Variants in SEMA7A observed in about 807,000 individuals in gnomAD.
SEMA7A encodes the protein semaphorin-7A.
SEMA7A carries 21 observed loss-of-function variants against 67.5 expected under a neutral mutation model. The ratio of observed to expected loss-of-function variants is 0.31; its 90% CI spans 0.22 to 0.45. The LOEUF is 0.45. SEMA7A is among the 20% of genes least tolerant of loss of function. The probability of loss-of-function intolerance (pLI) is 1.00; values close to 1 mark genes in which losing one functional copy is unlikely to be tolerated. For synonymous variants in SEMA7A, 364 were observed against 368.5 expected (o/e 0.99, Z 0.14); for missense variants, 774 against 908.6 (o/e 0.85, Z 1.90).
At chr15:74,413,719 T>C (rs1235441393) in intron 10 of SEMA7A, among the ~76,000 whole-genome samples, 2 of 152,138 alleles carry the variant, frequency 1.3e-5, no homozygotes, top group Non-Finnish European at 2.9e-5. Flanking sequence ...AGCCAAACAA[T>C]GGTGCTGGGG....
chr15:74,410,715 G>C lies in SEMA7A; in HGVS notation c.1910C>G (p.Ala637Gly). 6.2e-7 allele frequency: 1 copy of C among 1,613,722 alleles called. No homozygotes were observed. Residue 637 changes from alanine (A) to glycine (G), a missense_variant, in exon 14 of 14, where the codon GCC (alanine) becomes GGC (glycine). By Grantham distance (60) the Ala-to-Gly change is moderately conservative (BLOSUM62 0). Transcript: ENST00000261918. The surrounding 1 kb of genome is among the most constrained non-coding windows in gnomAD (Gnocchi z 7.5). ...ACAGGCATGACCCAGCAGGTGCTCGGCCATGATGCCGTCCTCGGGCAGCAG... is the reference window on the plus strand; with the variant it reads ...ACAGGCATGACCCAGCAGGTGCTCGCCCATGATGCCGTCCTCGGGCAGCAG... ...WQLLPEDGIMAEHLLGHACAL... is the reference protein window; with the variant it reads ...WQLLPEDGIMGEHLLGHACAL...
chr15:74,417,264 A>G, intron 6 of SEMA7A, 71 bp downstream of exon 6: 1 of 1,216,944 alleles, frequency 8.2e-7, no homozygotes, highest in Non-Finnish European at 1.2e-6. Flanking sequence ...CAGAAACATC[A>G]GGATCCCATC....
chr15:74,413,565 C>G (rs1350056660), intron 10 of SEMA7A, among the ~76,000 whole-genome samples: 1 of 152,186 alleles, frequency 6.6e-6, no homozygotes, highest in Non-Finnish European at 1.5e-5. Context: ...CCCTGGCTGA[C>G]CACAACAGCT....
Position 74,411,583 on chromosome 15 carries a change from C to A in SEMA7A, c.1550G>T (p.Arg517Leu), listed in dbSNP as rs200894892. The A allele has an allele frequency of 1.1e-5, 17 of 1,581,244 alleles. No individual in the cohort carries two copies. The Admixed American group carries it at 1.8e-4, about 17-fold the overall frequency. ...TTCGGAGCTGTAGATGGAGATGCAG[C>A]GGCCTTGGTCCCAGCCGCAGTAGGG... ...RDPYCGWDQG[R>L]CISIYSSERS... is the part of the protein sequence containing the mutation. The change falls in exon 12 of 14, where the codon CGC becomes CTC. Residue 517 changes from arginine to leucine, a missense_variant. By Grantham distance (102) the Arg-to-Leu change is moderately radical (BLOSUM62 -2). This residue lies in a region of SEMA7A where 427 missense variants were observed against 555.4 expected (regional missense o/e 0.77). Coordinates refer to ENST00000261918, the MANE Select transcript of SEMA7A (RefSeq NM_003612.5). This position sits in a 1 kb window ranked among gnomAD's most constrained non-coding sequence, Gnocchi z 4.4.
At position 74,410,368 on chromosome 15, in the gene SEMA7A, G is replaced by T. The variant is rs1172204587; in HGVS notation, c.*256C>A. ...GGAGTCTGAAAAATATTTTCCAGAA[G>T]ATAAAGTCTTGGGTCATCGATGCCC... On this transcript the variant is annotated 3_prime_UTR_variant, in exon 14 of 14. Coordinates refer to ENST00000261918, the MANE Select transcript of SEMA7A (RefSeq NM_003612.5). This position sits in a 1 kb window ranked among gnomAD's most constrained non-coding sequence, Gnocchi z 7.5. 1.7e-5 allele frequency: 8 copies of T among 475,638 alleles called. No individual in the cohort carries two copies. Among genetic ancestry groups the T allele is most frequent in the African/African-American group, 2.0e-5 (1 of 50,332 alleles). 29.5% of individuals were successfully genotyped at this position (475,638 alleles called of 1,614,324 possible).
chr15:74,415,749 T>G, intron 8 of SEMA7A, 52 bp downstream of exon 8: 1 of 1,537,226 alleles, frequency 6.5e-7, no homozygotes, highest in Non-Finnish European at 8.8e-7. Context: ...CTCCTGTCCC[T>G]ACTGGACACT....
In SEMA7A at chr15:74,411,047, T is replaced by C; in HGVS notation, c.1640-62A>G. 6.4e-7 allele frequency: 1 copy of C among 1,555,060 alleles called. No homozygotes were observed. Among genetic ancestry groups the C allele is most frequent in the Non-Finnish European group, 8.7e-7 (1 of 1,151,734 alleles). On this transcript the variant is annotated intron_variant, in intron 13 of 13. Transcript: ENST00000261918. This position sits in a 1 kb window ranked among gnomAD's most constrained non-coding sequence, Gnocchi z 4.4. Reference sequence around the variant, plus strand: ...CAAAGAGCTCCCAGGGGAGGATGTGTCCTCCCCACGGACTGGGATCCCAGG... The same window carrying C: ...CAAAGAGCTCCCAGGGGAGGATGTGCCCTCCCCACGGACTGGGATCCCAGG...
chr15:74,427,273 C>A (rs1403711274), intron 1 of SEMA7A: 3 of 985,444 alleles, frequency 3.0e-6, no homozygotes, highest in East Asian at 1.1e-4. Flanking sequence ...TGCTCCAAGT[C>A]TTCCATTCCC....
At chr15:74,415,213 G>A (rs1417459277) in intron 8 of SEMA7A, among the ~76,000 whole-genome samples, 1 of 152,166 alleles carries the variant, frequency 6.6e-6, no homozygotes, top group Non-Finnish European at 1.5e-5. Flanking sequence ...ATCATAGGCT[G>A]AGCAGTTCTC....
Position 74,417,247 on chromosome 15 carries a change from G to A in SEMA7A, c.661+88C>T, listed in dbSNP as rs962143691. 8.1e-5 allele frequency: 85 copies of A among 1,050,656 alleles called. 1 individual carries two copies. The highest frequency in any genetic ancestry group is 2.0e-4 in the Middle Eastern group (1 of 4,920). The allele number at this position is 1,050,656 out of a possible 1,614,324, so 65.1% of individuals were successfully genotyped here. A position where few individuals can be genotyped will look rare whatever the true frequency, so the allele number is the denominator to read the frequency against. Reference sequence around the variant, plus strand: ...GCATGGCCCCAGCGGCCCTCAGGGAGCCCTCCCAGAAACATCAGGATCCCA... The same window carrying A: ...GCATGGCCCCAGCGGCCCTCAGGGAACCCTCCCAGAAACATCAGGATCCCA... On this transcript the variant is annotated intron_variant, in intron 6 of 13. Transcript: ENST00000261918.
intron 1 of SEMA7A, among the ~76,000 whole-genome samples, chr15:74,430,559 G>A (rs771351356): frequency 7.2e-5 from 11 of 152,186 alleles, no homozygotes; most frequent in East Asian, 1.9e-4. Flanking sequence ...CTGTGCCAGC[G>A]TCCATTCCAC....
At chr15:74,433,709 C>A in intron 1 of SEMA7A, 32 bp downstream of exon 1, 4 of 1,405,234 alleles carry the variant, frequency 2.8e-6, no homozygotes, top group Non-Finnish European at 3.7e-6. Context: ...GCGTCTGATC[C>A]CGCGCCTGAC....
At chr15:74,429,504 C>A (rs909462668) in intron 1 of SEMA7A, among the ~76,000 whole-genome samples, 1 of 152,254 alleles carries the variant, frequency 6.6e-6, no homozygotes, top group Non-Finnish European at 1.5e-5. Flanking sequence ...ACCTTCTCAC[C>A]TGGAGACTGT....
At chr15:74,432,366 C>G (rs913035157) in intron 1 of SEMA7A, among the ~76,000 whole-genome samples, 1 of 152,202 alleles carries the variant, frequency 6.6e-6, no homozygotes, top group African/African-American at 2.4e-5. Flanking sequence ...CAGCACTGCT[C>G]GGCTTCCTCC....
intron 2 of SEMA7A, among the ~76,000 whole-genome samples, chr15:74,418,560 C>T (rs1279570271): frequency 3.3e-5 from 5 of 152,206 alleles, no homozygotes; most frequent in African/African-American, 9.6e-5. Context: ...CTGGGCTTTC[C>T]GCAGCAGCGC....
chr15:74,418,351 G>A (rs753732729), intron 2 of SEMA7A, 42 bp from the exon 3 acceptor site: 5 of 1,593,426 alleles, frequency 3.1e-6, no homozygotes, highest in South Asian at 1.1e-5. Flanking sequence ...TGCCAGGGGT[G>A]AGGTACCCCT....
chr15:74,417,765 T>C (rs1379510505), intron 4 of SEMA7A, 90 bp from the exon 5 acceptor site: 2 of 1,547,844 alleles, frequency 1.3e-6, no homozygotes, highest in East Asian at 2.3e-5. Flanking sequence ...AGCCCCATCC[T>C]CCCAGGGCAA....
intron 1 of SEMA7A, among the ~76,000 whole-genome samples, chr15:74,427,621 G>A (rs1169767968): frequency 6.6e-6 from 1 of 152,184 alleles, no homozygotes; most frequent in Non-Finnish European, 1.5e-5. Flanking sequence ...GTGAGACTCT[G>A]TACAAACAAC....
intron 10 of SEMA7A, among the ~76,000 whole-genome samples, chr15:74,413,660 G>A (rs540426300): frequency 6.6e-6 from 1 of 152,330 alleles, no homozygotes; most frequent in African/African-American, 2.4e-5. Flanking sequence ...CAGGGAATCA[G>A]GACCCAGGCC....
Sources: gnomAD v4.1 joint callset for allele counts (sites outside exome capture counted in the v4.1 genomes callset) on GRCh38, gnomAD v4.1.1 for gene constraint, gnomAD v4.1.1 regional missense constraint, Gnocchi (gnomAD v3.1) non-coding constraint, MANE v1.5 for transcripts, NCBI Gene and HGNC (gene_info 2026-07-23, HGNC 2026-07-21) for gene names.